The following RYR3 variants were observed in gnomAD, a reference collection of about 807,000 sequenced individuals.
RYR3 encodes ryanodine receptor 3.
In RYR3, 207 loss-of-function variants were observed where a neutral mutation model predicts 584.3. The ratio of observed to expected loss-of-function variants is 0.35; its 90% CI spans 0.32 to 0.40. RYR3 has a LOEUF of 0.40. Among genes scored for constraint, RYR3 ranks in the 10% least tolerant of loss-of-function variants. The pLI, the probability that RYR3 is intolerant of heterozygous loss-of-function variation, is 1.00. For missense variants in RYR3, 5,616 were observed against 6,089.2 expected (o/e 0.92, Z 2.59); for synonymous variants, 2,416 against 2,248.5 (o/e 1.07, Z -2.11).
chr15:33,749,175 T>C (rs919228210), intron 55 of RYR3, among the ~76,000 whole-genome samples: 1 of 152,224 alleles, frequency 6.6e-6, no homozygotes, highest in Non-Finnish European at 1.5e-5. Flanking sequence ...CTGTGAAATT[T>C]AGCACCTCAA....
At chr15:33,465,180 C>A (rs11852613) in intron 1 of RYR3, among the ~76,000 whole-genome samples, 7 of 151,874 alleles carry the variant, frequency 4.6e-5, no homozygotes, top group Non-Finnish European at 1.0e-4. Context: ...TTGGCTATTG[C>A]GAATGTGCTG....
In RYR3 at chr15:33,857,794, C is replaced by T. The variant is rs774668559; in HGVS notation, c.14022C>T (p.Val4674=). ...THNGKQLVLT[V]GLLAVVVYLY... The stretch of plus-strand genomic sequence containing the variant: ...CTCATTCCCAGTTGGTTCTGACTGT[C>T]GGTCTCCTGGCCGTGGTGGTTTATC... Residue 4674 remains valine, a synonymous_variant, in exon 99 of 104, where the codon GTC becomes GTT. Transcript: ENST00000634891. 81 of 1,613,934 alleles carry T rather than the reference C, an allele frequency of 5.0e-5. No homozygotes were observed. Among genetic ancestry groups the T allele is most frequent in the Non-Finnish European group, 6.6e-5 (78 of 1,179,940 alleles).
rs201030434 is a variant in RYR3 at position 33,788,249 on chromosome 15, G to C, written c.9621G>C (p.Arg3207Ser). ...VYAQPIISKARPDLLRSHFIP... is the reference protein window; with the variant it reads ...VYAQPIISKASPDLLRSHFIP... Reference sequence around the variant, plus strand: ...CACAGCCCATCATCAGCAAAGCCAGGCCCGACCTGCTGAGAAGCCACTTCA... The same window carrying C: ...CACAGCCCATCATCAGCAAAGCCAGCCCCGACCTGCTGAGAAGCCACTTCA... Residue 3207 changes from arginine (R) to serine (S), a missense_variant, in exon 67 of 104, where the codon AGG becomes AGC. Arg to Ser is a moderately radical substitution (Grantham distance 110, BLOSUM62 -1). Around this residue, in one of 9 missense-constraint regions of RYR3, gnomAD observed 954 missense variants for 1,132.2 expected, o/e 0.84. Coordinates refer to ENST00000634891, the MANE Select transcript of RYR3 (RefSeq NM_001036.6). The C allele has an allele frequency of 3.1e-6, 5 of 1,613,950 alleles. No individual in the cohort carries two copies. Among genetic ancestry groups the C allele is most frequent in the East Asian group, 4.5e-5 (2 of 44,878 alleles).
At chr15:33,839,427 C>G (rs2078228774) in intron 89 of RYR3, among the ~76,000 whole-genome samples, 1 of 152,182 alleles carries the variant, frequency 6.6e-6, no homozygotes, top group South Asian at 2.1e-4. Context: ...CCTTGTGATA[C>G]ACTCACTGTT....
intron 1 of RYR3, among the ~76,000 whole-genome samples, chr15:33,321,811 C>T (rs984658163): frequency 6.6e-6 from 1 of 152,192 alleles, no homozygotes; most frequent in Non-Finnish European, 1.5e-5. Context: ...GTTTCACTAA[C>T]TAGCAATACA....
At chr15:33,689,711 C>T (rs564273044) in intron 38 of RYR3, among the ~76,000 whole-genome samples, 1 of 152,170 alleles carries the variant, frequency 6.6e-6, no homozygotes, top group African/African-American at 2.4e-5. Flanking sequence ...CTTATTGTTT[C>T]TCTTCTCTAG....
At chr15:33,519,893 G>C (rs372793655) in intron 3 of RYR3, among the ~76,000 whole-genome samples, 17 of 152,146 alleles carry the variant, frequency 1.1e-4, no homozygotes, top group Non-Finnish European at 2.4e-4. Context: ...AAAAAGGCAA[G>C]ATCGCTGTTT....
At chr15:33,701,229 G>A (rs530356662) in intron 42 of RYR3, 149 bp downstream of exon 42, 10 of 590,234 alleles carry the variant, frequency 1.7e-5, no homozygotes, top group Non-Finnish European at 2.5e-5. Context: ...GTGAGTAACC[G>A]GTAGCAGCAC....
chr15:33,454,164 C>T (rs2142004244), intron 1 of RYR3, among the ~76,000 whole-genome samples: 1 of 152,276 alleles, frequency 6.6e-6, no homozygotes, highest in Middle Eastern at 3.4e-3. Context: ...GAAAACATGG[C>T]TTCTGTTGAC....
At chr15:33,716,121 T>C (rs910159540) in intron 43 of RYR3, among the ~76,000 whole-genome samples, 2 of 152,146 alleles carry the variant, frequency 1.3e-5, no homozygotes, top group African/African-American at 4.8e-5. Flanking sequence ...TCCCCCTTCA[T>C]CTTCTGCTAT....
intron 3 of RYR3, among the ~76,000 whole-genome samples, chr15:33,511,656 G>A (rs2053020133): frequency 6.6e-6 from 1 of 151,292 alleles, no homozygotes; most frequent in South Asian, 2.1e-4. Flanking sequence ...TGTGAAATTA[G>A]AGGTGGCTGC....
chr15:33,724,644 T>C (rs2068209404), intron 45 of RYR3, among the ~76,000 whole-genome samples: 2 of 152,356 alleles, frequency 1.3e-5, no homozygotes, highest in African/African-American at 4.8e-5. Context: ...GATGGTTCTA[T>C]TTTATGAGAT....
intron 1 of RYR3, among the ~76,000 whole-genome samples, chr15:33,468,780 C>A (rs2048687600): frequency 6.6e-6 from 1 of 152,106 alleles, no homozygotes; most frequent in South Asian, 2.1e-4. Context: ...TCATGATAGG[C>A]AGAAATGTGA....
chr15:33,560,111 T>C (rs1273840940), intron 10 of RYR3, among the ~76,000 whole-genome samples: 1 of 152,198 alleles, frequency 6.6e-6, no homozygotes, highest in Non-Finnish European at 1.5e-5. Flanking sequence ...CATATTCAAG[T>C]AAAAACAGAA....
chr15:33,714,712 C>A (rs907253905), intron 43 of RYR3, among the ~76,000 whole-genome samples: 1 of 152,192 alleles, frequency 6.6e-6, no homozygotes, highest in Non-Finnish European at 1.5e-5. Flanking sequence ...TATCTCCTAG[C>A]TTTGCTGAAT....
chr15:33,750,521 A>G (rs2071178421), intron 57 of RYR3, among the ~76,000 whole-genome samples: 1 of 152,218 alleles, frequency 6.6e-6, no homozygotes, highest in Non-Finnish European at 1.5e-5. Context: ...ACATACCTTA[A>G]ACATTTCATT....
At position 33,663,685 on chromosome 15, in the gene RYR3, C is replaced by T. The variant is rs374539101; in HGVS notation, c.5567C>T (p.Ala1856Val). The T allele has an allele frequency of 1.2e-5, 19 of 1,611,904 alleles. No homozygotes were observed. Among genetic ancestry groups the T allele is most frequent in the Admixed American group, 1.7e-5 (1 of 59,882 alleles). Residue 1856 changes from alanine to valine, a missense_variant, in exon 36 of 104, where the codon GCG becomes GTG. Around this residue, in one of 9 missense-constraint regions of RYR3, gnomAD observed 1,280 missense variants for 1,426.2 expected, o/e 0.90. Coordinates refer to ENST00000634891, the MANE Select transcript of RYR3 (RefSeq NM_001036.6). ...NELMQALNMS[A>V]ALTARKTKEF... The stretch of plus-strand genomic sequence containing the variant: ...CTCATGCAGGCCCTGAACATGTCTG[C>T]GGCCCTGACTGCCCGGAAGACCAAG...
intron 67 of RYR3, among the ~76,000 whole-genome samples, chr15:33,799,047 G>A (rs72715176): frequency 7.3e-5 from 11 of 151,526 alleles, no homozygotes; most frequent in East Asian, 5.8e-4. Flanking sequence ...ATTTTGAGAC[G>A]CATTTTTTTT....
intron 1 of RYR3, among the ~76,000 whole-genome samples, chr15:33,457,521 C>A (rs1425385456): frequency 6.6e-6 from 1 of 152,022 alleles, no homozygotes; most frequent in Non-Finnish European, 1.5e-5. Flanking sequence ...TATGTGAAAT[C>A]TAAAGAAATT....
Sources: allele counts gnomAD v4.1 joint callset (sites outside exome capture counted in the v4.1 genomes callset), GRCh38; gene constraint gnomAD v4.1.1; regional missense constraint gnomAD v4.1.1; transcripts MANE v1.5; gene names NCBI Gene and HGNC (gene_info 2026-07-23, HGNC 2026-07-21).